Variants in CD38 observed in about 807,000 individuals in gnomAD.
The protein encoded by CD38 is ADP-ribosyl cyclase/cyclic ADP-ribose hydrolase 1.
A neutral mutation model predicts 36.3 loss-of-function variants in CD38; 31 were observed. The observed-to-expected ratio is 0.85, with a 90% CI of 0.64 to 1.15. The LOEUF is 1.15. Among genes scored for constraint, CD38 ranks in the 50% most tolerant of loss-of-function variants. The pLI is 0.00. For missense variants in CD38, 380 were observed against 371.9 expected (o/e 1.02, Z -0.18); for synonymous variants, 131 against 135.2 (o/e 0.97, Z 0.22).
Position 15,851,688 on chromosome 4 carries a change from TATG to T in CD38, c.*3089_*3091del, listed in dbSNP as rs1041594346. ...ACACACACGTGCCTGTATACAGTCA[TATG>T]ATACATACACAAACACACGCACACA... On this transcript the variant is annotated 3_prime_UTR_variant, in exon 8 of 8. Transcript: ENST00000226279. 8.5e-5 allele frequency: 13 copies of T among 152,324 alleles called. No homozygotes were observed. Among genetic ancestry groups the T allele is most frequent in the East Asian group, 1.9e-4 (1 of 5,194 alleles). The allele number at this position is 152,324 out of a possible 1,614,324, so 9.4% of individuals were successfully genotyped here. A position where few individuals can be genotyped will look rare whatever the true frequency, so the allele number is the denominator to read the frequency against.
chr4:15,787,747 G>A (rs532359550), intron 1 of CD38, among the ~76,000 whole-genome samples: 2 of 152,204 alleles, frequency 1.3e-5, no homozygotes, highest in Non-Finnish European at 2.9e-5. Context: ...ACACAGGTAC[G>A]CAGTGAAAGA....
At chr4:15,826,498 C>CACACA (rs1379060832) in intron 3 of CD38, among the ~76,000 whole-genome samples, 2 of 150,634 alleles carry the variant, frequency 1.3e-5, no homozygotes, top group African/African-American at 2.4e-5. Flanking sequence ...CACACACACA[C>CACACA]CTGCATACTT....
At chr4:15,827,718 ATAATT>A (rs1388667820) in intron 3 of CD38, among the ~76,000 whole-genome samples, 1 of 152,086 alleles carries the variant, frequency 6.6e-6, no homozygotes, top group Non-Finnish European at 1.5e-5. Context: ...AGAAAATGAA[ATAATT>A]TATTTTTAAG....
intron 2 of CD38, among the ~76,000 whole-genome samples, chr4:15,818,387 G>A (rs778849215): frequency 8.5e-5 from 13 of 152,220 alleles, no homozygotes; most frequent in Non-Finnish European, 1.6e-4. Flanking sequence ...GCACCTGGCA[G>A]AAGGGGCAGC....
intron 3 of CD38, among the ~76,000 whole-genome samples, chr4:15,828,523 G>A (rs1723896658): frequency 6.6e-6 from 1 of 152,016 alleles, no homozygotes; most frequent in African/African-American, 2.4e-5. Context: ...TCTATTATCT[G>A]CTTCTATGAA....
intron 1 of CD38, among the ~76,000 whole-genome samples, chr4:15,786,765 G>A (rs1273213628): frequency 6.6e-6 from 1 of 152,228 alleles, no homozygotes; most frequent in Non-Finnish European, 1.5e-5. Flanking sequence ...TGGATGGGAC[G>A]CCAGGGAGCA....
At chr4:15,814,559 T>G (rs1364716870) in intron 1 of CD38, among the ~76,000 whole-genome samples, 1 of 152,158 alleles carries the variant, frequency 6.6e-6, no homozygotes, top group East Asian at 1.9e-4. Flanking sequence ...TCGTCTAGGG[T>G]TTTTATGGTT....
intron 2 of CD38, 142 bp downstream of exon 2, chr4:15,816,782 T>C (rs1723607985): frequency 6.8e-6 from 6 of 880,236 alleles, no homozygotes; most frequent in Non-Finnish European, 1.1e-5. Flanking sequence ...GAATGGAATT[T>C]GCAGGCCATT....
intron 1 of CD38, among the ~76,000 whole-genome samples, chr4:15,786,706 T>G (rs1458501042): frequency 1.3e-5 from 2 of 152,244 alleles, no homozygotes; most frequent in Non-Finnish European, 2.9e-5. Flanking sequence ...CAGGCGGAGC[T>G]GCCTGCCAGT....
intron 1 of CD38, among the ~76,000 whole-genome samples, chr4:15,783,199 C>T (rs1322474036): frequency 2.0e-5 from 3 of 152,120 alleles, no homozygotes; most frequent in African/African-American, 4.8e-5. Flanking sequence ...CATCTCGGTA[C>T]TGTGGGAGGG....
At chr4:15,820,557 G>T (rs774917966) in intron 2 of CD38, among the ~76,000 whole-genome samples, 29 of 152,054 alleles carry the variant, frequency 1.9e-4, no homozygotes, top group Non-Finnish European at 2.9e-4. Context: ...TGACAAAACA[G>T]ACTTTAAACC....
At chr4:15,779,543 G>C (rs913809877) in intron 1 of CD38, among the ~76,000 whole-genome samples, 2 of 152,152 alleles carry the variant, frequency 1.3e-5, no homozygotes, top group African/African-American at 4.8e-5. Flanking sequence ...TGTGCTTTGG[G>C]ATAGCAAAAT....
Position 15,816,587 on chromosome 4 carries a change from G to GTCTT in CD38, c.310_311insTCTT (p.Glu104ValfsTer53). On this transcript the variant is annotated frameshift_variant, in exon 2 of 8. Coordinates refer to ENST00000226279, the MANE Select transcript of CD38 (RefSeq NM_001775.4). LOFTEE classifies it high-confidence loss of function. ...AAAACATCCTTGCAACATTACTGAA[G>GTCTT]AAGACTATCAGCCACTAATGAAGTT... is the stretch of plus-strand genomic sequence containing the variant. 26 of 1,613,870 alleles carry GTCTT rather than the reference G, an allele frequency of 1.6e-5. No individual in the cohort carries two copies. The highest frequency in any genetic ancestry group is 2.2e-5 in the Non-Finnish European group (26 of 1,179,812).
At chr4:15,780,531 CACA>C in intron 1 of CD38, among the ~76,000 whole-genome samples, 1 of 149,404 alleles carries the variant, frequency 6.7e-6, no homozygotes, top group Non-Finnish European at 1.5e-5. Flanking sequence ...CACACACACA[CACA>C]CACACACACA....
At chr4:15,838,308 C>T (rs1315177078) in intron 5 of CD38, 143 bp downstream of exon 5, 17 of 670,586 alleles carry the variant, frequency 2.5e-5, no homozygotes, top group African/African-American at 1.1e-4. Flanking sequence ...TTTTGAATTC[C>T]GTGGAGAGAG....
At chr4:15,819,367 TAA>T (rs895160208) in intron 2 of CD38, among the ~76,000 whole-genome samples, 11 of 139,988 alleles carry the variant, frequency 7.9e-5, no homozygotes, top group East Asian at 2.1e-4. Context: ...TACCCAATGT[TAA>T]AAAAAAAAAA....
intron 1 of CD38, among the ~76,000 whole-genome samples, chr4:15,783,391 T>C (rs1175567729): frequency 1.3e-5 from 2 of 152,186 alleles, no homozygotes; most frequent in Non-Finnish European, 2.9e-5. Flanking sequence ...CCATGGATGA[T>C]GGTGATTGCA....
At chr4:15,821,694 CAA>C (rs59688929) in intron 2 of CD38, among the ~76,000 whole-genome samples, 8,516 of 77,748 alleles carry the variant, frequency 0.11, 817 homozygotes, top group African/African-American at 0.3. Flanking sequence ...AAATACCAAC[CAA>C]AAAAAAAAAA....
intron 1 of CD38, among the ~76,000 whole-genome samples, chr4:15,783,541 G>T (rs1043083633): frequency 1.3e-5 from 2 of 152,192 alleles, no homozygotes; most frequent in Admixed American, 1.3e-4. Context: ...ATTCACTTCT[G>T]CATCTCCAGT....
Sources: gnomAD v4.1 joint callset for allele counts (sites outside exome capture counted in the v4.1 genomes callset) on GRCh38, gnomAD v4.1.1 for gene constraint, MANE v1.5 for transcripts, NCBI Gene and HGNC (gene_info 2026-07-23, HGNC 2026-07-21) for gene names.